Variants in PRKN observed in about 807,000 individuals in gnomAD.
PRKN encodes the protein parkin RBR E3 ubiquitin protein ligase, also known as E3 ubiquitin-protein ligase parkin.
PRKN carries 56 observed loss-of-function variants against 59.5 expected under a neutral mutation model. The observed-to-expected ratio is 0.94, with a 90% CI of 0.76 to 1.18. The LOEUF (loss-of-function observed/expected upper bound fraction) is 1.18. Among genes scored for constraint, PRKN ranks in the 50% most tolerant of loss-of-function variants. The pLI is 0.00. For missense variants in PRKN, 657 were observed against 596.4 expected (o/e 1.10, Z -1.06); for synonymous variants, 250 against 222.1 (o/e 1.13, Z -1.12).
intron 4 of PRKN, among the ~76,000 whole-genome samples, chr6:162,156,151 A>T (rs1347181966): frequency 6.6e-6 from 1 of 152,206 alleles, no homozygotes; most frequent in Non-Finnish European, 1.5e-5. Flanking sequence ...TAATCAAAAC[A>T]ACTAACACAG....
rs1198218735 is a variant in PRKN at position 162,056,112 on chromosome 6, A to G, written c.535-1938T>C. Among the ~76,000 whole-genome samples the G allele has an allele frequency of 6.7e-6, 1 of 149,828 alleles. No individual in the cohort carries two copies. The highest frequency in any genetic ancestry group is 1.5e-5 in the Non-Finnish European group (1 of 67,448). On this transcript the variant is annotated intron_variant, in intron 4 of 11. Transcript: ENST00000366898. This position sits in a 1 kb window ranked among gnomAD's most constrained non-coding sequence, Gnocchi z 4.9. ...CACCTCACACACCCCACACACATATACCCACATGCATGCACGCACACCAAG... is the reference window on the plus strand; with the variant it reads ...CACCTCACACACCCCACACACATATGCCCACATGCATGCACGCACACCAAG...
chr6:162,520,799 TA>T (rs529792174), intron 1 of PRKN, among the ~76,000 whole-genome samples: 83 of 148,042 alleles, frequency 5.6e-4, no homozygotes, highest in East Asian at 7.9e-4. Flanking sequence ...GCCCTTAGTT[TA>T]AAAAAAAAAA....
chr6:162,568,179 G>A (rs1201004192), intron 1 of PRKN, among the ~76,000 whole-genome samples: 1 of 152,140 alleles, frequency 6.6e-6, no homozygotes, highest in Non-Finnish European at 1.5e-5. Context: ...AAACATTGGG[G>A]AAACTCTCCA....
intron 1 of PRKN, among the ~76,000 whole-genome samples, chr6:162,652,759 T>C (rs1778493738): frequency 6.6e-6 from 1 of 151,876 alleles, no homozygotes; most frequent in Non-Finnish European, 1.5e-5. Flanking sequence ...GGGCAACAGC[T>C]GACTGACACT....
Position 161,363,004 on chromosome 6 carries a change from G to A in PRKN, c.1168-2799C>T, listed in dbSNP as rs1785035789. Among the ~76,000 whole-genome samples the A allele has an allele frequency of 6.6e-6, 1 of 152,200 alleles. No homozygotes were observed. Among genetic ancestry groups the A allele is most frequent in the African/African-American group, 2.4e-5 (1 of 41,434 alleles). On this transcript the variant is annotated intron_variant, in intron 10 of 11. Transcript: ENST00000366898. This position sits in a 1 kb window ranked among gnomAD's most constrained non-coding sequence, Gnocchi z 4.1. ...CACCTGTAATCCCAGCACTTTGGGA[G>A]GCTGAGGCAGGTGGATCACTTGAGG...
chr6:162,481,308 T>C (rs930981108), intron 1 of PRKN, among the ~76,000 whole-genome samples: 1 of 152,196 alleles, frequency 6.6e-6, no homozygotes, highest in Non-Finnish European at 1.5e-5. Context: ...AGAATCCTCA[T>C]GTCCATGGAG....
At chr6:162,144,604 C>T (rs1193963657) in intron 4 of PRKN, among the ~76,000 whole-genome samples, 1 of 152,162 alleles carries the variant, frequency 6.6e-6, no homozygotes, top group East Asian at 1.9e-4. Flanking sequence ...GTCACAGGCC[C>T]ACCCCCAGGT....
intron 7 of PRKN, among the ~76,000 whole-genome samples, chr6:161,634,172 G>A (rs1048109088): frequency 1.3e-5 from 2 of 152,198 alleles, no homozygotes; most frequent in Non-Finnish European, 2.9e-5. Context: ...GCAAGGCAGT[G>A]TTGTCAGAGA....
At chr6:162,331,586 C>A (rs1783575553) in intron 2 of PRKN, among the ~76,000 whole-genome samples, 1 of 152,122 alleles carries the variant, frequency 6.6e-6, no homozygotes, top group African/African-American at 2.4e-5. Context: ...AAAATGTGAG[C>A]TTGGTGGACA....
At chr6:161,504,482 T>A (rs1262904981) in intron 9 of PRKN, among the ~76,000 whole-genome samples, 1 of 151,766 alleles carries the variant, frequency 6.6e-6, no homozygotes, top group Non-Finnish European at 1.5e-5. Flanking sequence ...AAGTCAGGAG[T>A]TGTTGCAGGG....
intron 7 of PRKN, among the ~76,000 whole-genome samples, chr6:161,769,229 C>T (rs1176625055): frequency 2.0e-5 from 3 of 152,190 alleles, no homozygotes; most frequent in Non-Finnish European, 2.9e-5. Flanking sequence ...GTGAGTCACG[C>T]GTTTCTAGAA....
intron 2 of PRKN, among the ~76,000 whole-genome samples, chr6:162,267,678 C>A (rs139945578): frequency 6.6e-6 from 1 of 152,004 alleles, no homozygotes; most frequent in Non-Finnish European, 1.5e-5. Flanking sequence ...TTTCTGTAAC[C>A]GGGTTTGGTC....
chr6:162,373,050 T>C (rs1462362471), intron 2 of PRKN, among the ~76,000 whole-genome samples: 4 of 152,126 alleles, frequency 2.6e-5, no homozygotes, highest in Non-Finnish European at 4.4e-5. Flanking sequence ...CTAAAAATAA[T>C]TAATAGATCT....
chr6:162,068,367 T>A (rs1048995143), intron 4 of PRKN, among the ~76,000 whole-genome samples: 1 of 152,352 alleles, frequency 6.6e-6, no homozygotes, highest in South Asian at 2.1e-4. Flanking sequence ...ACAATTTTGT[T>A]GCTTAAAACA....
intron 1 of PRKN, among the ~76,000 whole-genome samples, chr6:162,560,492 A>C: frequency 6.6e-6 from 1 of 152,170 alleles, no homozygotes; most frequent in East Asian, 1.9e-4. Context: ...TGCCTGGATC[A>C]ATGTCTTATA....
rs576586040 is a variant in PRKN, at chr6:161,349,798, C to G, written c.*301G>C. 57 of 501,690 alleles carry G rather than the reference C, an allele frequency of 1.1e-4. 1 individual carries two copies. Among genetic ancestry groups the G allele is most frequent in the South Asian group, 9.6e-4 (46 of 48,002 alleles). The allele number at this position is 501,690 out of a possible 1,614,324, so 31.1% of individuals were successfully genotyped here. ...ATCTGTGCTCTGGTATTTGTGTCAT[C>G]CGGAGGCTGAGAACGCCTGTTGGTG... On this transcript the variant is annotated 3_prime_UTR_variant, in exon 12 of 12. Transcript: ENST00000366898. The surrounding 1 kb of genome is among the most constrained non-coding windows in gnomAD (Gnocchi z 5.5).
intron 2 of PRKN, chr6:162,267,065 G>C (rs1037480345): frequency 2.6e-5 from 4 of 152,176 alleles, no homozygotes; most frequent in African/African-American, 9.7e-5. Flanking sequence ...TCAGGGACAG[G>C]TAAAATGTGA....
intron 4 of PRKN, among the ~76,000 whole-genome samples, chr6:162,141,864 A>C (rs1562537362): frequency 6.6e-6 from 1 of 152,184 alleles, no homozygotes; most frequent in Non-Finnish European, 1.5e-5. Context: ...AGAAGCATTA[A>C]AGGAGAGTCA....
chr6:161,391,324 G>A lies in PRKN; in HGVS notation c.1084-4447C>T, dbSNP rs918769278. 3.9e-5 allele frequency among the ~76,000 whole-genome samples: 6 copies of A among 151,972 alleles called. No homozygotes were observed. The highest frequency in any genetic ancestry group is 7.3e-5 in the African/African-American group (3 of 41,338). On this transcript the variant is annotated intron_variant, in intron 9 of 11. Transcript: ENST00000366898. This position sits in a 1 kb window ranked among gnomAD's most constrained non-coding sequence, Gnocchi z 4.9. ...CAAACCTTATGAGTCAACATTAACC[G>A]AATGGAAGTTAGTATACCAGGAAAC... is the stretch of plus-strand genomic sequence containing the variant.
Sources: gnomAD v4.1 joint callset for allele counts (sites outside exome capture counted in the v4.1 genomes callset) on GRCh38, gnomAD v4.1.1 for gene constraint, Gnocchi (gnomAD v3.1) non-coding constraint, MANE v1.5 for transcripts, NCBI Gene and HGNC (gene_info 2026-07-23, HGNC 2026-07-21) for gene names.